Variants in XYLB observed in about 807,000 individuals in gnomAD.
XYLB encodes the protein xylulokinase.
A neutral mutation model predicts 78.7 loss-of-function variants in XYLB; 62 were observed. The observed-to-expected ratio is 0.79, with a 90% confidence interval of 0.64 to 0.97. The LOEUF (loss-of-function observed/expected upper bound fraction) is 0.97. XYLB is among the 50% of genes least tolerant of loss of function. XYLB has a pLI of 0.00. For synonymous variants in XYLB, 245 were observed against 247.4 expected, an observed-to-expected ratio of 0.99 and a Z score of 0.09; for missense variants, 687 against 676.8, an observed-to-expected ratio of 1.02 and a Z score of -0.17.
chr3:38,418,734 A>G (rs1469946682), downstream of XYLB, among the ~76,000 whole-genome samples: 1 of 152,228 alleles, frequency 6.6e-6, no homozygotes, highest in African/African-American at 2.4e-5. Flanking sequence ...TGTCTTACAC[A>G]TATTTTGTTA....
Position 38,400,886 on chromosome 3 carries a change from T to C in XYLB, c.1439-5T>C, listed in dbSNP as rs752728034. ...CACTAATGTGAAGTGACCTTTCCCT[T>C]CTAGGTCTTGCAGGTGGAACAGATG... On this transcript the variant is annotated splice_polypyrimidine_tract_variant and splice_region_variant and intron_variant, in intron 17 of 18. Transcript: ENST00000207870. The C allele has an allele frequency of 6.2e-7, 1 of 1,613,650 alleles. No homozygotes were observed. Among genetic ancestry groups the C allele is most frequent in the Non-Finnish European group, 8.5e-7 (1 of 1,179,814 alleles).
intron 1 of XYLB, among the ~76,000 whole-genome samples, chr3:38,347,738 C>T (rs188655087): frequency 7.5e-4 from 114 of 152,332 alleles, no homozygotes; most frequent in Middle Eastern, 6.8e-3. Context: ...CTGTGACCGC[C>T]CTTCGTTGAC....
rs749567221 is a variant in XYLB, at chr3:38,375,132, A to C, written c.889-12A>C. Reference sequence around the variant, plus strand: ...AAGCCCAAGGTGCCCACCTCTGCCTATCTCTCCTCAGGTCAGCCTGGGCAC... The same window carrying C: ...AAGCCCAAGGTGCCCACCTCTGCCTCTCTCTCCTCAGGTCAGCCTGGGCAC... On this transcript the variant is annotated splice_polypyrimidine_tract_variant and intron_variant, in intron 11 of 18. Coordinates refer to ENST00000207870, the MANE Select transcript of XYLB (RefSeq NM_005108.4). 1.2e-6 allele frequency: 2 copies of C among 1,611,486 alleles called. No individual in the cohort carries two copies. Among genetic ancestry groups the C allele is most frequent in the South Asian group, 2.2e-5 (2 of 90,678 alleles).
chr3:38,365,980 C>G (rs1042854824), intron 6 of XYLB, among the ~76,000 whole-genome samples: 1 of 151,980 alleles, frequency 6.6e-6, no homozygotes, highest in Non-Finnish European at 1.5e-5. Flanking sequence ...TGAGGGTACC[C>G]CCTCAATGAG....
intron 2 of XYLB, 56 bp downstream of exon 2, chr3:38,348,688 C>T (rs553193632): frequency 2.6e-5 from 40 of 1,558,622 alleles, no homozygotes; most frequent in South Asian, 3.3e-5. Context: ...GGGGTCCTCC[C>T]GCAAACTTTT....
chr3:38,385,042 C>T (rs912570734), intron 15 of XYLB, among the ~76,000 whole-genome samples: 4 of 151,994 alleles, frequency 2.6e-5, no homozygotes, highest in Admixed American at 2.0e-4. Flanking sequence ...ACTCTGTCAC[C>T]CAGGCTGGAG....
intron 2 of XYLB, among the ~76,000 whole-genome samples, chr3:38,352,109 T>C (rs1161372955): frequency 6.6e-6 from 1 of 152,224 alleles, no homozygotes; most frequent in Non-Finnish European, 1.5e-5. Context: ...AAAGTGGTGA[T>C]TTTAAGAAAA....
Position 38,346,852 on chromosome 3 carries a change from G to C in XYLB, c.-17G>C, listed in dbSNP as rs866917104. On this transcript the variant is annotated 5_prime_UTR_variant, in exon 1 of 19. Transcript: ENST00000207870. ...GGACGGACGGACTGACGGACGCGCA[G>C]CCTTACCCGAAAGGCCATGGCGGAG... 3.3e-6 allele frequency: 5 copies of C among 1,511,178 alleles called. No homozygotes were observed. Among genetic ancestry groups the C allele is most frequent in the Middle Eastern group, 1.8e-4 (1 of 5,408 alleles). The allele number at this position is 1,511,178 out of a possible 1,614,324, so 93.6% of individuals were successfully genotyped here. A position where few individuals can be genotyped will look rare whatever the true frequency, so the allele number is the denominator to read the frequency against.
At chr3:38,425,899 T>C (rs61550359), downstream of XYLB, among the ~76,000 whole-genome samples, 603 of 152,346 alleles carry the variant, frequency 4.0e-3, 4 homozygotes, top group Middle Eastern at 0.024. Context: ...TAGATTGTTT[T>C]CTTGTGTGAA....
At chr3:38,370,881 G>A (rs1235417676) in intron 9 of XYLB, among the ~76,000 whole-genome samples, 1 of 151,926 alleles carries the variant, frequency 6.6e-6, no homozygotes, top group African/African-American at 2.4e-5. Flanking sequence ...CAGTGGAGTA[G>A]AGAGAGAGAG....
chr3:38,348,903 G>T (rs977366998), intron 2 of XYLB, among the ~76,000 whole-genome samples: 6 of 152,196 alleles, frequency 3.9e-5, no homozygotes, highest in Non-Finnish European at 5.9e-5. Flanking sequence ...AAAAGAGAAA[G>T]CTCTCCCAGA....
At chr3:38,349,538 T>G (rs752178614) in intron 2 of XYLB, among the ~76,000 whole-genome samples, 2 of 152,256 alleles carry the variant, frequency 1.3e-5, no homozygotes, top group Non-Finnish European at 2.9e-5. Context: ...AGTAGTAAAA[T>G]GGACAGGTCC....
chr3:38,426,928 A>C, the XYLB span, among the ~76,000 whole-genome samples: 4 of 152,136 alleles, frequency 2.6e-5, no homozygotes, highest in African/African-American at 4.8e-5. Flanking sequence ...GGAGCAAAAA[A>C]CTGCTCAAAC....
At chr3:38,444,008 C>T in the XYLB span, among the ~76,000 whole-genome samples, 1 of 152,196 alleles carries the variant, frequency 6.6e-6, no homozygotes, top group Non-Finnish European at 1.5e-5. Flanking sequence ...TCCCTTTCTT[C>T]AGCTGTCATT....
intron 3 of XYLB, among the ~76,000 whole-genome samples, chr3:38,361,140 C>T (rs1705946905): frequency 6.6e-6 from 1 of 152,220 alleles, no homozygotes; most frequent in African/African-American, 2.4e-5. Context: ...AAGTTATGGC[C>T]TGGCCAGTCA....
At chr3:38,360,564 G>A (rs1401603328) in intron 3 of XYLB, among the ~76,000 whole-genome samples, 156 bp downstream of exon 3, 2 of 152,200 alleles carry the variant, frequency 1.3e-5, no homozygotes, top group Non-Finnish European at 2.9e-5. Flanking sequence ...CCTGGGATCA[G>A]GCTCAGCCTC....
intron 15 of XYLB, among the ~76,000 whole-genome samples, chr3:38,382,883 C>T (rs1707216463): frequency 6.6e-6 from 1 of 152,212 alleles, no homozygotes; most frequent in Non-Finnish European, 1.5e-5. Context: ...CAGAATCAGA[C>T]CTGTCTTGCC....
chr3:38,372,610 G>A (rs1480813484), intron 9 of XYLB, 45 bp from the exon 10 acceptor site: 5 of 1,613,388 alleles, frequency 3.1e-6, no homozygotes, highest in African/African-American at 1.3e-5. Flanking sequence ...TGGGCAGGCG[G>A]GATTTACCTC....
chr3:38,430,889 C>G, the XYLB span, among the ~76,000 whole-genome samples: 63 of 152,226 alleles, frequency 4.1e-4, 1 homozygote, highest in African/African-American at 1.5e-3. Flanking sequence ...ATTTCTGAGG[C>G]CTCTGTTCTG....
Sources: gnomAD v4.1 joint callset for allele counts (sites outside exome capture counted in the v4.1 genomes callset) on GRCh38, gnomAD v4.1.1 for gene constraint, MANE v1.5 for transcripts, NCBI Gene and HGNC (gene_info 2026-07-23, HGNC 2026-07-21) for gene names.